Variants in KAZN observed in about 807,000 individuals in gnomAD.
KAZN encodes the protein kazrin.
In KAZN, 40 loss-of-function variants were observed where a neutral mutation model predicts 87.4. That is an observed-to-expected ratio of 0.46 (90% confidence interval 0.36 to 0.60). The LOEUF is 0.60. Among genes scored for constraint, KAZN ranks in the 20% least tolerant of loss-of-function variants. The pLI is 0.00. For missense variants in KAZN, 898 were observed against 1,073.9 expected, an observed-to-expected ratio of 0.84 and a Z score of 2.29; for synonymous variants, 466 against 458.3, an observed-to-expected ratio of 1.02 and a Z score of -0.22.
intron 1 of KAZN, among the ~76,000 whole-genome samples, chr1:13,946,349 C>A (rs1641147239): frequency 6.6e-6 from 1 of 152,116 alleles, no homozygotes; most frequent in African/African-American, 2.4e-5. Flanking sequence ...TCCTGGGTTT[C>A]AAAACGGGAT....
intron 1 of KAZN, among the ~76,000 whole-genome samples, chr1:13,918,648 G>A (rs112715399): frequency 0.028 from 4,298 of 152,312 alleles, 199 homozygotes; most frequent in African/African-American, 0.098. Context: ...CATCTTTCCT[G>A]AAAGGAAGAG....
At chr1:14,504,712 G>T (rs578149702) in intron 2 of KAZN, among the ~76,000 whole-genome samples, 106 of 152,268 alleles carry the variant, frequency 7.0e-4, no homozygotes, top group Middle Eastern at 3.4e-3. Flanking sequence ...CTCTGTAATC[G>T]TCTAAATTCC....
chr1:14,446,306 C>G (rs1464719010), intron 2 of KAZN, among the ~76,000 whole-genome samples: 1 of 152,158 alleles, frequency 6.6e-6, no homozygotes, highest in East Asian at 1.9e-4. Context: ...TTGAATCCCA[C>G]CCTAGATACC....
chr1:14,088,403 G>T (rs1643901373), intron 1 of KAZN, among the ~76,000 whole-genome samples: 1 of 151,752 alleles, frequency 6.6e-6, no homozygotes, highest in African/African-American at 2.4e-5. Context: ...GGGTTATTTA[G>T]AAATGTGTTA....
chr1:14,659,004 C>T (rs542002707), intron 1 of KAZN, among the ~76,000 whole-genome samples: 85 of 152,242 alleles, frequency 5.6e-4, no homozygotes, highest in Non-Finnish European at 1.0e-3. Context: ...TTCAAGAGGC[C>T]GAGGTGGGAG....
At chr1:14,861,147 G>A (rs1337463868) in intron 1 of KAZN, among the ~76,000 whole-genome samples, 1 of 152,218 alleles carries the variant, frequency 6.6e-6, no homozygotes, top group Non-Finnish European at 1.5e-5. Context: ...AGAGGCCAAG[G>A]TGGGCAGATC....
intron 1 of KAZN, among the ~76,000 whole-genome samples, chr1:14,177,833 C>T (rs928433043): frequency 1.7e-4 from 25 of 149,710 alleles, no homozygotes; most frequent in African/African-American, 6.1e-4. Flanking sequence ...TATAATATGC[C>T]TTGTTGCAGC....
rs904535185 is a variant in KAZN, at chr1:14,357,696, A to G, written c.249+177104A>G. ...TTGAGATAATCATGTGGTTTTTGTC[A>G]TTGGTTCTGTTTATGTGACGGATTA... On this transcript the variant is annotated intron_variant, in intron 2 of 16. Coordinates refer to the KAZN transcript ENST00000636203. 2.0e-5 allele frequency among the ~76,000 whole-genome samples: 3 copies of G among 152,048 alleles called. No individual in the cohort carries two copies. In the South Asian group the frequency reaches 6.2e-4, roughly 32 times the overall value.
intron 2 of KAZN, among the ~76,000 whole-genome samples, chr1:14,205,903 A>AAAAAAAAAAAAAAAAAAAAC (rs1646732540): frequency 3.6e-5 from 2 of 55,002 alleles, no homozygotes; most frequent in African/African-American, 8.4e-5. Flanking sequence ...AAAAAAAAAA[A>AAAAAAAAAAAAAAAAAAAAC]AAAGCTACCT....
At chr1:14,650,167 G>T (rs1638268280) in intron 1 of KAZN, among the ~76,000 whole-genome samples, 1 of 151,662 alleles carries the variant, frequency 6.6e-6, no homozygotes, top group Non-Finnish European at 1.5e-5. Context: ...GTGGAAGGAA[G>T]TAGGCCAGCA....
chr1:14,767,172 T>C (rs977691573), intron 1 of KAZN, among the ~76,000 whole-genome samples: 20 of 152,236 alleles, frequency 1.3e-4, no homozygotes, highest in Admixed American at 1.0e-3. Context: ...TAAGCATTTC[T>C]ACTGGGCTAG....
chr1:14,186,717 A>C (rs1205551290), intron 2 of KAZN, among the ~76,000 whole-genome samples: 2 of 152,174 alleles, frequency 1.3e-5, no homozygotes, highest in Non-Finnish European at 2.9e-5. Flanking sequence ...CACAAGGAAG[A>C]GGAGTAGATG....
intron 2 of KAZN, among the ~76,000 whole-genome samples, chr1:14,478,270 G>A (rs1011250123): frequency 2.1e-5 from 3 of 142,188 alleles, no homozygotes; most frequent in Admixed American, 7.1e-5. Context: ...AGGAAGGAAG[G>A]AAGAAAGGAA....
chr1:14,255,220 C>A (rs1284097965), intron 2 of KAZN, among the ~76,000 whole-genome samples: 3 of 151,600 alleles, frequency 2.0e-5, no homozygotes, highest in Non-Finnish European at 4.4e-5. Flanking sequence ...GGGCGGGTTG[C>A]CACACTTTTA....
chr1:14,983,452 G>A (rs2101905975), intron 2 of KAZN, among the ~76,000 whole-genome samples: 1 of 152,252 alleles, frequency 6.6e-6, no homozygotes, highest in Admixed American at 6.5e-5. Flanking sequence ...TGGCTCAGCT[G>A]GCAAGCCTGC....
chr1:14,718,991 T>A (rs1642953076), intron 1 of KAZN, among the ~76,000 whole-genome samples: 1 of 152,032 alleles, frequency 6.6e-6, no homozygotes, highest in Non-Finnish European at 1.5e-5. Context: ...AGGGCTGGGA[T>A]TGTCTGAGTC....
chr1:15,008,489 A>G (rs927918911), intron 2 of KAZN, among the ~76,000 whole-genome samples: 6 of 152,212 alleles, frequency 3.9e-5, no homozygotes. Flanking sequence ...TGAGACAGCT[A>G]TGATGAGGAC....
At chr1:14,052,497 GA>G (rs1642380287) in intron 1 of KAZN, among the ~76,000 whole-genome samples, 1 of 151,234 alleles carries the variant, frequency 6.6e-6, no homozygotes, top group Non-Finnish European at 1.5e-5. Flanking sequence ...CTGTGATGCT[GA>G]AAAGTTATTT....
chr1:14,924,047 C>CGGGGCGGGGGCGGGGCG, intron 1 of KAZN: 1 of 746,718 alleles, frequency 1.3e-6, no homozygotes, highest in Middle Eastern at 6.7e-4. Context: ...GGCGCCGCGG[C>CGGGGCGGGGGCGGGGCG]GGGGCGGGGG....
Sources: gnomAD v4.1 joint callset for allele counts (sites outside exome capture counted in the v4.1 genomes callset) on GRCh38, gnomAD v4.1.1 for gene constraint, MANE v1.5 for transcripts, NCBI Gene and HGNC (gene_info 2026-07-23, HGNC 2026-07-21) for gene names.